The following ATP2B2 variants were observed in gnomAD, a reference collection of about 807,000 sequenced individuals.
ATP2B2 encodes ATPase plasma membrane Ca2+ transporting 2.
In ATP2B2, 15 loss-of-function variants were observed where a neutral mutation model predicts 120.0. The ratio of observed to expected loss-of-function variants is 0.12; its 90% CI spans 0.08 to 0.19. The LOEUF (loss-of-function observed/expected upper bound fraction) is 0.19, where lower values mean the gene tolerates loss of function less well. ATP2B2 is among the 10% of genes least tolerant of loss of function. ATP2B2 has a pLI of 1.00. For missense variants in ATP2B2, 1,045 were observed against 1,719.8 expected (o/e 0.61, Z 6.94); for synonymous variants, 694 against 700.3 (o/e 0.99, Z 0.14).
In ATP2B2 at chr3:10,326,236, A is replaced by C. The variant is rs1343740452; in HGVS notation, c.*2578T>G. 1 of 153,488 alleles carries C rather than the reference A, an allele frequency of 6.5e-6. No individual in the cohort carries two copies. The highest frequency in any genetic ancestry group is 1.5e-5 in the Non-Finnish European group (1 of 68,692). The allele number at this position is 153,488 out of a possible 1,614,324, so 9.5% of individuals were successfully genotyped here. Reference sequence around the variant, plus strand: ...AGTGCAAGCTTTATGTACTACAGTGAGTTTTGACAAACCAACCATTTCGTG... The same window carrying C: ...AGTGCAAGCTTTATGTACTACAGTGCGTTTTGACAAACCAACCATTTCGTG... On this transcript the variant is annotated 3_prime_UTR_variant, in exon 23 of 23. Transcript: ENST00000360273.
intron 1 of ATP2B2, among the ~76,000 whole-genome samples, chr3:10,623,449 C>G (rs555549851): frequency 6.6e-6 from 1 of 152,208 alleles, no homozygotes; most frequent in African/African-American, 2.4e-5. Context: ...GGATCTCACA[C>G]AGCCCAAAAA....
At chr3:10,471,128 G>A (rs2064973275) in intron 1 of ATP2B2, among the ~76,000 whole-genome samples, 1 of 152,196 alleles carries the variant, frequency 6.6e-6, no homozygotes, top group African/African-American at 2.4e-5. Flanking sequence ...ACTTGCCCGG[G>A]AAGCACAGCA....
At chr3:10,561,663 A>G (rs535894751) in intron 2 of ATP2B2, among the ~76,000 whole-genome samples, 39 of 152,268 alleles carry the variant, frequency 2.6e-4, no homozygotes, top group African/African-American at 9.1e-4. Flanking sequence ...TTTCCCCCAT[A>G]CTGTTCTCAC....
At chr3:10,368,827 C>A (rs903124544) in intron 12 of ATP2B2, among the ~76,000 whole-genome samples, 14 of 152,078 alleles carry the variant, frequency 9.2e-5, no homozygotes, top group African/African-American at 3.4e-4. Context: ...ACCACTCATC[C>A]ATCCATCCCC....
chr3:10,606,955 AGGGG>A (rs1483866528), intron 2 of ATP2B2, among the ~76,000 whole-genome samples: 3 of 59,662 alleles, frequency 5.0e-5, no homozygotes, highest in African/African-American at 3.1e-4. Flanking sequence ...GGAGAGGGGG[AGGGG>A]GGGAGAGAGA....
chr3:10,488,969 T>C (rs2065834873), intron 1 of ATP2B2, among the ~76,000 whole-genome samples: 1 of 152,220 alleles, frequency 6.6e-6, no homozygotes, highest in Non-Finnish European at 1.5e-5. Flanking sequence ...TGCGTGATCC[T>C]GGCCCCCAAC....
chr3:10,644,771 C>A (rs1369911173), intron 1 of ATP2B2, among the ~76,000 whole-genome samples: 1 of 152,114 alleles, frequency 6.6e-6, no homozygotes, highest in Non-Finnish European at 1.5e-5. Flanking sequence ...CTGGTTAATG[C>A]AGGTGGGTTT....
At chr3:10,629,977 A>C (rs1304565034) in intron 1 of ATP2B2, among the ~76,000 whole-genome samples, 1 of 152,166 alleles carries the variant, frequency 6.6e-6, no homozygotes, top group African/African-American at 2.4e-5. Flanking sequence ...CCAGTGGAGA[A>C]GCCATCAGGA....
At chr3:10,498,409 C>T (rs1402367616) in intron 1 of ATP2B2, among the ~76,000 whole-genome samples, 2 of 152,382 alleles carry the variant, frequency 1.3e-5, no homozygotes, top group Non-Finnish European at 2.9e-5. Context: ...TGGAGGCCAG[C>T]ACCCTCTGCT....
At chr3:10,643,660 C>A (rs2070237154) in intron 1 of ATP2B2, among the ~76,000 whole-genome samples, 1 of 152,268 alleles carries the variant, frequency 6.6e-6, no homozygotes, top group South Asian at 2.1e-4. Flanking sequence ...AAATAAGGAA[C>A]ATTCTATTAA....
At chr3:10,475,765 G>C (rs1173861261) in intron 1 of ATP2B2, among the ~76,000 whole-genome samples, 1 of 152,188 alleles carries the variant, frequency 6.6e-6, no homozygotes, top group Non-Finnish European at 1.5e-5. Flanking sequence ...GTGCGTTTCT[G>C]CTGCCAAAGC....
chr3:10,462,623 G>C (rs2064540712), intron 1 of ATP2B2, among the ~76,000 whole-genome samples: 1 of 152,224 alleles, frequency 6.6e-6, no homozygotes, highest in African/African-American at 2.4e-5. Flanking sequence ...CTGAGGCTCA[G>C]AGAGGTAAAA....
At chr3:10,357,779 C>T (rs914220661) in intron 14 of ATP2B2, among the ~76,000 whole-genome samples, 1 of 152,194 alleles carries the variant, frequency 6.6e-6, no homozygotes, top group Non-Finnish European at 1.5e-5. Flanking sequence ...CATGGTGCTC[C>T]CCTGGGGCCT....
chr3:10,558,696 T>G (rs1311650614), intron 2 of ATP2B2, among the ~76,000 whole-genome samples: 1 of 152,212 alleles, frequency 6.6e-6, no homozygotes, highest in African/African-American at 2.4e-5. Context: ...TTAACCCAGT[T>G]TGAGATGCAT....
At chr3:10,704,876 G>T (rs1439490607) in intron 1 of ATP2B2, among the ~76,000 whole-genome samples, 1 of 152,192 alleles carries the variant, frequency 6.6e-6, no homozygotes, top group Non-Finnish European at 1.5e-5. Flanking sequence ...GGAAGTTAGA[G>T]TTTCTTGTAT....
intron 2 of ATP2B2, among the ~76,000 whole-genome samples, chr3:10,575,560 A>G (rs999873962): frequency 1.3e-5 from 2 of 152,202 alleles, no homozygotes; most frequent in Non-Finnish European, 2.9e-5. Context: ...CTACACACTT[A>G]TGGGAGCTAT....
rs144248497 is a variant in ATP2B2 at position 10,341,457 on chromosome 3, C to A, written c.2918-753G>T. On this transcript the variant is annotated intron_variant, in intron 19 of 22. Coordinates refer to ENST00000360273, the MANE Select transcript of ATP2B2 (RefSeq NM_001001331.4). ...TCTCAAGTAGCTGGGATTACAGGTGCGCACCATCACGCCCGGCTAATTTTT... is the reference window on the plus strand; with the variant it reads ...TCTCAAGTAGCTGGGATTACAGGTGAGCACCATCACGCCCGGCTAATTTTT... 1.4e-3 allele frequency among the ~76,000 whole-genome samples: 220 copies of A among 152,138 alleles called. 2 individuals are homozygous for A. The highest frequency in any genetic ancestry group is 4.3e-3 in the African/African-American group (179 of 41,512).
intron 1 of ATP2B2, among the ~76,000 whole-genome samples, chr3:10,637,779 A>C (rs1186440985): frequency 6.6e-6 from 1 of 152,192 alleles, no homozygotes; most frequent in East Asian, 1.9e-4. Context: ...AACTATAAAC[A>C]CACAGGCCTA....
chr3:10,336,417 T>C, intron 22 of ATP2B2: 1 of 1,071,210 alleles, frequency 9.3e-7, no homozygotes, highest in Non-Finnish European at 1.3e-6. Context: ...CAATGTCACT[T>C]AAATCAAAAC....
Sources: allele counts gnomAD v4.1 joint callset (sites outside exome capture counted in the v4.1 genomes callset), GRCh38; gene constraint gnomAD v4.1.1; transcripts MANE v1.5; gene names NCBI Gene and HGNC (gene_info 2026-07-23, HGNC 2026-07-21).